PDS5B: variants seen among roughly 807,000 people sequenced by gnomAD.
The protein encoded by PDS5B is sister chromatid cohesion protein PDS5 homolog B.
In PDS5B, 51 loss-of-function variants were observed where a neutral mutation model predicts 184.1. That is an observed-to-expected ratio of 0.28 (90% confidence interval 0.22 to 0.35). The LOEUF is 0.35. Among genes scored for constraint, PDS5B ranks in the 10% least tolerant of loss-of-function variants. The probability of loss-of-function intolerance (pLI) is 1.00; values close to 1 mark genes in which losing one functional copy is unlikely to be tolerated. For missense variants in PDS5B, 1,180 were observed against 1,723.3 expected, an observed-to-expected ratio of 0.68 and a Z score of 5.58; for synonymous variants, 566 against 569.2, an observed-to-expected ratio of 0.99 and a Z score of 0.08.
chr13:32,775,431 G>A lies in PDS5B; in HGVS notation c.*379G>A, dbSNP rs977659580. ...CTATTGATTTGAAAAGAATTTGTTA[G>A]GATAGATCTTAAGCAGTAATCTGTC... On this transcript the variant is annotated 3_prime_UTR_variant, in exon 35 of 35. Coordinates refer to ENST00000315596, the MANE Select transcript of PDS5B (RefSeq NM_015032.4). 9.4e-6 allele frequency: 3 copies of A among 318,878 alleles called. No individual in the cohort carries two copies. Among genetic ancestry groups the A allele is most frequent in the African/African-American group, 4.4e-5 (2 of 45,396 alleles). The allele number at this position is 318,878 out of a possible 1,614,324, so 19.8% of individuals were successfully genotyped here. A position where few individuals can be genotyped will look rare whatever the true frequency, so the allele number is the denominator to read the frequency against.
intron 1 of PDS5B, among the ~76,000 whole-genome samples, chr13:32,637,473 C>T (rs1193524304): frequency 7.2e-5 from 11 of 151,982 alleles, no homozygotes; most frequent in South Asian, 2.1e-4. Context: ...CTTGAGTTCG[C>T]GGTATCTTTG....
At chr13:32,666,332 G>T (rs1241127032) in intron 6 of PDS5B, among the ~76,000 whole-genome samples, 2 of 152,142 alleles carry the variant, frequency 1.3e-5, no homozygotes, top group Non-Finnish European at 2.9e-5. Flanking sequence ...ACCTGCCTCT[G>T]CCTCCCAAAT....
intron 1 of PDS5B, among the ~76,000 whole-genome samples, chr13:32,632,103 T>C (rs1444489667): frequency 6.6e-6 from 1 of 152,238 alleles, no homozygotes; most frequent in African/African-American, 2.4e-5. Context: ...TTTAAGCCTG[T>C]ATACTTTTAG....
At chr13:32,773,509 T>C (rs1954859391) in intron 34 of PDS5B, among the ~76,000 whole-genome samples, 185 bp downstream of exon 34, 1 of 152,142 alleles carries the variant, frequency 6.6e-6, no homozygotes, top group African/African-American at 2.4e-5. Context: ...AGCAAATAGG[T>C]GTAGCTTAAT....
chr13:32,607,077 C>T (rs965740951), intron 1 of PDS5B, among the ~76,000 whole-genome samples: 6 of 152,360 alleles, frequency 3.9e-5, no homozygotes, highest in East Asian at 1.9e-4. Flanking sequence ...AGTCATTCTC[C>T]GTCCAGCTTT....
chr13:32,622,039 C>T (rs939118784), intron 1 of PDS5B, among the ~76,000 whole-genome samples: 31 of 151,990 alleles, frequency 2.0e-4, no homozygotes, highest in African/African-American at 7.2e-4. Flanking sequence ...TCTTGATCAG[C>T]GTCACCAGAG....
intron 6 of PDS5B, among the ~76,000 whole-genome samples, chr13:32,666,829 C>T (rs1487851985): frequency 6.6e-6 from 1 of 151,908 alleles, no homozygotes; most frequent in Non-Finnish European, 1.5e-5. Flanking sequence ...AAAGTTTAGT[C>T]CATAGAATCT....
At chr13:32,720,516 G>A (rs765785015) in intron 19 of PDS5B, among the ~76,000 whole-genome samples, 3 of 152,114 alleles carry the variant, frequency 2.0e-5, no homozygotes, top group Non-Finnish European at 2.9e-5. Context: ...ATAATGGTGC[G>A]TTGGTTAACG....
chr13:32,753,498 T>G lies in PDS5B; in HGVS notation c.2903T>G (p.Val968Gly). 6.2e-7 allele frequency: 1 copy of G among 1,613,696 alleles called. No individual in the cohort carries two copies. Among genetic ancestry groups the G allele is most frequent in the Middle Eastern group, 1.7e-4 (1 of 6,060 alleles). ...ARQCLVKNIN[V>G]RREYLKQHAA... Reference sequence around the variant, plus strand: ...CAATGTTTGGTGAAAAATATAAATGTAAGGCGGGAGTATCTGAAGCAGCAT... The same window carrying G: ...CAATGTTTGGTGAAAAATATAAATGGAAGGCGGGAGTATCTGAAGCAGCAT... The change falls in exon 25 of 35, where the codon GTA becomes GGA. Residue 968 changes from valine to glycine, a missense_variant. By Grantham distance (109) the Val-to-Gly change is moderately radical (BLOSUM62 -3). Around this residue, in one of 11 missense-constraint regions of PDS5B, gnomAD observed 57 missense variants for 80.9 expected, o/e 0.70. Transcript: ENST00000315596.
chr13:32,758,423 C>T, intron 27 of PDS5B, 111 bp from the exon 28 acceptor site: 2 of 1,124,552 alleles, frequency 1.8e-6, no homozygotes, highest in Non-Finnish European at 2.6e-6. Context: ...CAGACTGTTG[C>T]TTTCATTAGT....
chr13:32,708,673 T>C (rs2140889849), intron 18 of PDS5B, among the ~76,000 whole-genome samples: 1 of 152,312 alleles, frequency 6.6e-6, no homozygotes, highest in East Asian at 1.9e-4. Context: ...GCAAAAATAA[T>C]GTTTTAATTT....
intron 18 of PDS5B, among the ~76,000 whole-genome samples, chr13:32,707,441 A>C (rs1018798943): frequency 1.3e-5 from 2 of 152,032 alleles, no homozygotes; most frequent in Admixed American, 1.3e-4. Context: ...AATTATAAAA[A>C]ACATAGGTTG....
At position 32,687,131 on chromosome 13, in the gene PDS5B, A is replaced by T. The variant is rs761031714; in HGVS notation, c.1204-3A>T. Reference sequence around the variant, plus strand: ...ATTATAAATAAAACTTTTTGTTTTTAAGTGGAGAGTACGCAAAGAAGCCAT... The same window carrying T: ...ATTATAAATAAAACTTTTTGTTTTTTAGTGGAGAGTACGCAAAGAAGCCAT... On this transcript the variant is annotated splice_polypyrimidine_tract_variant and splice_region_variant and intron_variant, in intron 11 of 34. Coordinates refer to ENST00000315596, the MANE Select transcript of PDS5B (RefSeq NM_015032.4). 1 of 1,585,280 alleles carries T rather than the reference A, an allele frequency of 6.3e-7. No individual in the cohort carries two copies. Among genetic ancestry groups the T allele is most frequent in the East Asian group, 2.3e-5 (1 of 44,284 alleles).
chr13:32,645,445 C>G (rs1950192646), intron 1 of PDS5B, among the ~76,000 whole-genome samples: 1 of 152,160 alleles, frequency 6.6e-6, no homozygotes, highest in Non-Finnish European at 1.5e-5. Flanking sequence ...GCCATCTAGA[C>G]TTGGATATTT....
At chr13:32,647,414 G>C (rs1000086967) in intron 1 of PDS5B, among the ~76,000 whole-genome samples, 1 of 152,086 alleles carries the variant, frequency 6.6e-6, no homozygotes, top group African/African-American at 2.4e-5. Flanking sequence ...GGGACTACAG[G>C]GGTGTGCCAC....
At chr13:32,632,029 T>G (rs1043060515) in intron 1 of PDS5B, among the ~76,000 whole-genome samples, 2 of 152,210 alleles carry the variant, frequency 1.3e-5, no homozygotes, top group Non-Finnish European at 2.9e-5. Flanking sequence ...AGAATTAAGT[T>G]GGACCTCTCC....
At position 32,673,929 on chromosome 13, in the gene PDS5B, C is replaced by T. The variant is rs117688145; in HGVS notation, c.846+573C>T. Among the ~76,000 whole-genome samples the T allele has an allele frequency of 6.8e-3, 1,006 of 148,676 alleles. 6 individuals are homozygous for T. The highest frequency in any genetic ancestry group is 0.017 in the Middle Eastern group (5 of 292). On this transcript the variant is annotated intron_variant, in intron 8 of 34. Transcript: ENST00000315596. ...CTCTCGGGATCAAGCTACTCTTCCA[C>T]CTCAGCCTCCCAAGTAGCTGGGACT...
chr13:32,739,909 T>C (rs955022559), intron 21 of PDS5B, among the ~76,000 whole-genome samples: 12 of 152,168 alleles, frequency 7.9e-5, no homozygotes, highest in Non-Finnish European at 1.6e-4. Context: ...CTTTTGTGGC[T>C]TTATTATTTA....
chr13:32,690,281 A>G (rs1163939645), intron 13 of PDS5B: 2 of 152,232 alleles, frequency 1.3e-5, no homozygotes, highest in African/African-American at 2.4e-5. Context: ...TGGTCCTACC[A>G]TGCCTGGGCA....
Sources: gnomAD v4.1 joint callset for allele counts (sites outside exome capture counted in the v4.1 genomes callset) on GRCh38, gnomAD v4.1.1 for gene constraint, gnomAD v4.1.1 regional missense constraint, MANE v1.5 for transcripts, NCBI Gene and HGNC (gene_info 2026-07-23, HGNC 2026-07-21) for gene names.